Variants in NEGR1 observed in about 807,000 individuals in gnomAD.
NEGR1 encodes IgLON family member 4.
Under a neutral mutation model 40.9 loss-of-function variants are expected in NEGR1, and 10 were observed. The ratio of observed to expected loss-of-function variants is 0.24; its 90% confidence interval spans 0.15 to 0.42. The LOEUF is 0.42. NEGR1 is among the 10% of genes least tolerant of loss of function. The pLI is 1.00. For synonymous variants in NEGR1, 185 were observed against 166.8 expected (o/e 1.11, Z -0.84); for missense variants, 352 against 438.9 (o/e 0.80, Z 1.77).
chr1:71,934,815 T>G (rs1323550285), intron 2 of NEGR1, among the ~76,000 whole-genome samples: 1 of 152,102 alleles, frequency 6.6e-6, no homozygotes, highest in Non-Finnish European at 1.5e-5. Flanking sequence ...ATACCTTTTT[T>G]TAAATGTGTG....
intron 2 of NEGR1, among the ~76,000 whole-genome samples, chr1:71,872,992 C>T (rs1429097520): frequency 6.6e-6 from 1 of 151,764 alleles, no homozygotes; most frequent in Non-Finnish European, 1.5e-5. Context: ...ATGTTTCACA[C>T]TCAAAAACAA....
chr1:71,730,547 T>C (rs913873072), intron 3 of NEGR1, among the ~76,000 whole-genome samples: 5 of 140,332 alleles, frequency 3.6e-5, no homozygotes, highest in Non-Finnish European at 7.6e-5. Context: ...TTTCAAATTA[T>C]ATGTGTATAT....
chr1:71,722,998 C>A (rs1370485644), intron 3 of NEGR1, among the ~76,000 whole-genome samples: 2 of 150,974 alleles, frequency 1.3e-5, no homozygotes, highest in Non-Finnish European at 2.9e-5. Context: ...TAAATGGAAT[C>A]ATAGAAAATG....
intron 6 of NEGR1, among the ~76,000 whole-genome samples, chr1:71,490,496 A>C (rs1396381806): frequency 1.3e-5 from 2 of 152,030 alleles, no homozygotes; most frequent in East Asian, 3.9e-4. Flanking sequence ...ATAATGTAGC[A>C]GATATATTCT....
At chr1:72,194,576 T>C (rs545466851) in intron 1 of NEGR1, among the ~76,000 whole-genome samples, 1 of 151,998 alleles carries the variant, frequency 6.6e-6, no homozygotes, top group Non-Finnish European at 1.5e-5. Context: ...AAACTGAAAA[T>C]AACCAGGAAG....
chr1:71,979,604 AC>A (rs1180061326), intron 1 of NEGR1, among the ~76,000 whole-genome samples: 1 of 152,108 alleles, frequency 6.6e-6, no homozygotes, highest in Non-Finnish European at 1.5e-5. Context: ...ACAAAGAACA[AC>A]CCACAAAGAC....
chr1:72,122,618 A>G (rs1649845932), intron 1 of NEGR1, among the ~76,000 whole-genome samples: 1 of 151,972 alleles, frequency 6.6e-6, no homozygotes, highest in Non-Finnish European at 1.5e-5. Flanking sequence ...AAGGGATTCA[A>G]CAGCAGTTCT....
chr1:71,499,706 A>C (rs1169221821), intron 6 of NEGR1, among the ~76,000 whole-genome samples: 1 of 151,940 alleles, frequency 6.6e-6, no homozygotes, highest in East Asian at 1.9e-4. Flanking sequence ...TAACCTTTGC[A>C]GTAGATGTTC....
chr1:71,538,753 A>C (rs1391255896), intron 6 of NEGR1, among the ~76,000 whole-genome samples: 1 of 151,692 alleles, frequency 6.6e-6, no homozygotes, highest in Admixed American at 6.6e-5. Flanking sequence ...CTTTTGCCCT[A>C]AGCAGAAGAA....
intron 2 of NEGR1, among the ~76,000 whole-genome samples, chr1:71,917,705 G>C (rs1008476419): frequency 2.0e-5 from 3 of 150,962 alleles, no homozygotes; most frequent in Non-Finnish European, 4.4e-5. Context: ...GCGTGAACCC[G>C]GGAGGCGGAG....
chr1:72,150,970 G>T (rs369560552), intron 1 of NEGR1, among the ~76,000 whole-genome samples: 10 of 151,602 alleles, frequency 6.6e-5, no homozygotes, highest in South Asian at 2.1e-4. Context: ...GACTCCTTTA[G>T]CAATTGTTAT....
chr1:71,715,140 T>G (rs1423342107), intron 3 of NEGR1, among the ~76,000 whole-genome samples: 4 of 152,204 alleles, frequency 2.6e-5, no homozygotes, highest in Non-Finnish European at 4.4e-5. Context: ...TACCAAGGAT[T>G]GGGGCTTGCA....
At chr1:72,229,988 G>A (rs1282182264) in intron 1 of NEGR1, among the ~76,000 whole-genome samples, 3 of 152,054 alleles carry the variant, frequency 2.0e-5, no homozygotes, top group Admixed American at 6.6e-5. Context: ...ATATCATACA[G>A]ATAATCACTG....
At chr1:71,512,292 T>TA (rs903764492) in intron 6 of NEGR1, among the ~76,000 whole-genome samples, 37 of 149,534 alleles carry the variant, frequency 2.5e-4, no homozygotes, top group South Asian at 1.1e-3. Context: ...GTATATAAAT[T>TA]AAAAAAAAAA....
chr1:72,182,420 G>C (rs544912050), intron 1 of NEGR1, among the ~76,000 whole-genome samples: 7 of 152,082 alleles, frequency 4.6e-5, no homozygotes, highest in Admixed American at 2.0e-4. Context: ...TTGAACCCGG[G>C]GGGTGGAGGT....
intron 2 of NEGR1, among the ~76,000 whole-genome samples, chr1:71,802,915 T>A (rs902298971): frequency 6.6e-6 from 1 of 152,172 alleles, no homozygotes; most frequent in Non-Finnish European, 1.5e-5. Context: ...AGATGATATT[T>A]AGATGAGACT....
rs1646252928 is a variant in NEGR1 at position 71,402,448 on chromosome 1, GCTT to G, written c.*4995_*4997del. ...TAGCTTTAGGATGACTGTGGGTAGA[GCTT>G]CTAGGGAGAAGAATGAAACGTATTC... On this transcript the variant is annotated 3_prime_UTR_variant, in exon 7 of 7. Coordinates refer to ENST00000357731, the MANE Select transcript of NEGR1 (RefSeq NM_173808.3). The G allele has an allele frequency of 6.6e-6, 1 of 152,164 alleles. No homozygotes were observed. The highest frequency in any genetic ancestry group is 1.5e-5 in the Non-Finnish European group (1 of 68,018). The allele number at this position is 152,164 out of a possible 1,614,324, so 9.4% of individuals were successfully genotyped here. A position where few individuals can be genotyped will look rare whatever the true frequency, so the allele number is the denominator to read the frequency against.
In NEGR1 at chr1:71,875,944, G is replaced by A. The variant is rs187136724; in HGVS notation, c.409+59135C>T. ...ATGGGGTTGTTCTTAAACCTGAGCTGTTTCCCATCAAATAAACCTAAAGTT... is the reference window on the plus strand; with the variant it reads ...ATGGGGTTGTTCTTAAACCTGAGCTATTTCCCATCAAATAAACCTAAAGTT... On this transcript the variant is annotated intron_variant, in intron 2 of 6. Transcript: ENST00000357731. Among the ~76,000 whole-genome samples the A allele has an allele frequency of 2.0e-5, 3 of 152,130 alleles. No homozygotes were observed. In the East Asian group the frequency reaches 5.8e-4, roughly 29 times the overall value.
chr1:71,653,071 C>T (rs1302032773), intron 4 of NEGR1, among the ~76,000 whole-genome samples: 1 of 151,936 alleles, frequency 6.6e-6, no homozygotes, highest in African/African-American at 2.4e-5. Flanking sequence ...AAAGCTCTGA[C>T]TTAGTTAATG....
Sources: allele counts gnomAD v4.1 joint callset (sites outside exome capture counted in the v4.1 genomes callset), GRCh38; gene constraint gnomAD v4.1.1; transcripts MANE v1.5; gene names NCBI Gene and HGNC (gene_info 2026-07-23, HGNC 2026-07-21).